Variants in RFX4 observed in about 807,000 individuals in gnomAD.
RFX4 encodes the protein transcription factor RFX4.
In RFX4, 10 loss-of-function variants were observed where a neutral mutation model predicts 95.0. The ratio of observed to expected loss-of-function variants is 0.11; its 90% CI spans 0.06 to 0.18. The LOEUF (loss-of-function observed/expected upper bound fraction) is 0.18, where lower values mean the gene tolerates loss of function less well. RFX4 is among the 10% of genes least tolerant of loss of function. The probability of loss-of-function intolerance (pLI) is 1.00; values close to 1 mark genes in which losing one functional copy is unlikely to be tolerated. For missense variants in RFX4, 640 were observed against 922.0 expected (o/e 0.69, Z 3.96); for synonymous variants, 321 against 340.7 (o/e 0.94, Z 0.64).
intron 15 of RFX4, among the ~76,000 whole-genome samples, chr12:106,747,031 T>C (rs2042908906): frequency 6.6e-6 from 1 of 152,228 alleles, no homozygotes; most frequent in South Asian, 2.1e-4. Context: ...GCCATTAATC[T>C]AATCACATTC....
At chr12:106,651,456 G>C (rs1592897859) in intron 3 of RFX4, among the ~76,000 whole-genome samples, 3 of 152,168 alleles carry the variant, frequency 2.0e-5, no homozygotes, top group Admixed American at 6.5e-5. Context: ...GCTAACTGTT[G>C]TTGTTACACA....
intron 5 of RFX4, chr12:106,683,566 T>TA (rs2041577231): frequency 6.6e-6 from 1 of 151,378 alleles, no homozygotes; most frequent in Non-Finnish European, 1.5e-5. Flanking sequence ...GGTACGATTA[T>TA]AGATTACAAA....
intron 1 of RFX4, among the ~76,000 whole-genome samples, chr12:106,595,663 T>G (rs1389315413): frequency 6.6e-6 from 1 of 152,252 alleles, no homozygotes; most frequent in Non-Finnish European, 1.5e-5. Context: ...GGGCTTCATT[T>G]CTATTTACTT....
chr12:106,631,114 G>A (rs2040408582), intron 2 of RFX4, among the ~76,000 whole-genome samples: 1 of 152,232 alleles, frequency 6.6e-6, no homozygotes, highest in Non-Finnish European at 1.5e-5. Flanking sequence ...TGTTTCACAT[G>A]CATTAAACTG....
chr12:106,723,608 A>G (rs991735555), intron 13 of RFX4, among the ~76,000 whole-genome samples: 1 of 152,146 alleles, frequency 6.6e-6, no homozygotes, highest in South Asian at 2.1e-4. Context: ...CTAGCATCAA[A>G]GCTCACTCAC....
chr12:106,729,993 C>T (rs374485731), intron 13 of RFX4, among the ~76,000 whole-genome samples: 1 of 152,222 alleles, frequency 6.6e-6, no homozygotes, highest in African/African-American at 2.4e-5. Context: ...GAAAAACAGA[C>T]ATAGTACTGG....
chr12:106,682,304 T>G, intron 5 of RFX4: 1 of 533,060 alleles, frequency 1.9e-6, no homozygotes. Context: ...ACCCTGCTTT[T>G]AGGCATATTT....
intron 2 of RFX4, among the ~76,000 whole-genome samples, chr12:106,631,473 A>G (rs938968752): frequency 2.0e-5 from 3 of 152,156 alleles, no homozygotes; most frequent in Admixed American, 2.0e-4. Flanking sequence ...CTAACCCCCT[A>G]TGTGATGGTA....
At chr12:106,637,929 A>T (rs1465956813) in intron 2 of RFX4, among the ~76,000 whole-genome samples, 1 of 152,124 alleles carries the variant, frequency 6.6e-6, no homozygotes, top group Non-Finnish European at 1.5e-5. Flanking sequence ...TTAGAAGAAC[A>T]TTACCCACAC....
chr12:106,668,438 C>T (rs1017670820), intron 4 of RFX4, among the ~76,000 whole-genome samples: 7 of 152,056 alleles, frequency 4.6e-5, no homozygotes, highest in Admixed American at 6.6e-5. Flanking sequence ...ATAAAAACTA[C>T]GGTTTGAGCC....
chr12:106,625,518 G>T (rs570461898), intron 2 of RFX4, among the ~76,000 whole-genome samples: 1 of 152,114 alleles, frequency 6.6e-6, no homozygotes, highest in Non-Finnish European at 1.5e-5. Flanking sequence ...TGCTTCTCAT[G>T]GCATACTCAC....
chr12:106,695,409 C>G (rs144762400), intron 7 of RFX4, among the ~76,000 whole-genome samples: 1 of 152,170 alleles, frequency 6.6e-6, no homozygotes, highest in Non-Finnish European at 1.5e-5. Context: ...CACCACTTCA[C>G]CCCCTATTCT....
chr12:106,600,149 A>G (rs1592835621), intron 1 of RFX4, among the ~76,000 whole-genome samples: 2 of 152,306 alleles, frequency 1.3e-5, no homozygotes, highest in Middle Eastern at 3.4e-3. Flanking sequence ...GCAGGATAAT[A>G]TCAGGAAACA....
intron 3 of RFX4, chr12:106,645,987 T>A: frequency 7.9e-7 from 1 of 1,262,808 alleles, no homozygotes; most frequent in Non-Finnish European, 1.0e-6. Flanking sequence ...TCTCAGGGAA[T>A]GAGATGCTGT....
chr12:106,589,265 T>C (rs998403161), intron 1 of RFX4, among the ~76,000 whole-genome samples: 1 of 152,214 alleles, frequency 6.6e-6, no homozygotes, highest in Admixed American at 6.5e-5. Context: ...TTTTATTCAG[T>C]CTCACTTCCT....
chr12:106,743,207 G>A (rs552908667), intron 15 of RFX4, among the ~76,000 whole-genome samples: 1 of 152,120 alleles, frequency 6.6e-6, no homozygotes, highest in Non-Finnish European at 1.5e-5. Context: ...AGAAAAATAT[G>A]GGAATTGAAC....
At chr12:106,606,115 A>C (rs2039827291) in intron 1 of RFX4, among the ~76,000 whole-genome samples, 3 of 152,162 alleles carry the variant, frequency 2.0e-5, no homozygotes, top group Non-Finnish European at 4.4e-5. Flanking sequence ...GTTTTCAGAG[A>C]ATGTCCCATC....
intron 1 of RFX4, among the ~76,000 whole-genome samples, chr12:106,606,592 C>G (rs1270502599): frequency 1.3e-5 from 2 of 152,174 alleles, no homozygotes; most frequent in Non-Finnish European, 2.9e-5. Flanking sequence ...AGCTGTCTGT[C>G]TCCACATTGT....
chr12:106,601,399 G>C (rs1045842548), intron 1 of RFX4: 9 of 1,524,996 alleles, frequency 5.9e-6, no homozygotes, highest in Non-Finnish European at 8.0e-6. Context: ...GCACCCTCAG[G>C]GGGAACTGGG....
Sources: allele counts gnomAD v4.1 joint callset (sites outside exome capture counted in the v4.1 genomes callset), GRCh38; gene constraint gnomAD v4.1.1; transcripts MANE v1.5; gene names NCBI Gene and HGNC (gene_info 2026-07-23, HGNC 2026-07-21).